The following PLPP4 variants were observed in gnomAD, a reference collection of about 807,000 sequenced individuals.
PLPP4 encodes the protein diacylglycerol pyrophosphate like 2.
A neutral mutation model predicts 32.2 loss-of-function variants in PLPP4; 20 were observed. The ratio of observed to expected loss-of-function variants is 0.62; its 90% CI spans 0.44 to 0.90. The LOEUF is 0.90. PLPP4 is among the 40% of genes least tolerant of loss of function. The pLI, the probability that PLPP4 is intolerant of heterozygous loss-of-function variation, is 0.00. For missense variants in PLPP4, 257 were observed against 353.1 expected (o/e 0.73, Z 2.18); for synonymous variants, 127 against 133.0 (o/e 0.95, Z 0.31).
intron 2 of PLPP4, among the ~76,000 whole-genome samples, chr10:120,510,206 C>G (rs554501770): frequency 1.3e-5 from 2 of 152,034 alleles, no homozygotes; most frequent in African/African-American, 4.8e-5. Flanking sequence ...TTCAGCAGCC[C>G]CATACTCATA....
chr10:120,583,317 G>A (rs1003479288), intron 6 of PLPP4, among the ~76,000 whole-genome samples: 1 of 151,926 alleles, frequency 6.6e-6, no homozygotes, highest in Non-Finnish European at 1.5e-5. Flanking sequence ...TGGCAAGAGG[G>A]CAGGGTTTTG....
At chr10:120,554,855 C>G (rs1848079490) in intron 5 of PLPP4, among the ~76,000 whole-genome samples, 1 of 152,126 alleles carries the variant, frequency 6.6e-6, no homozygotes, top group Non-Finnish European at 1.5e-5. Flanking sequence ...ACCAAATCAC[C>G]TCCCACCAGG....
At chr10:120,458,691 A>G (rs1287658827) in intron 1 of PLPP4, among the ~76,000 whole-genome samples, 2 of 152,160 alleles carry the variant, frequency 1.3e-5, no homozygotes, top group African/African-American at 2.4e-5. Context: ...AGAAGGAACG[A>G]GAACTTCAGT....
intron 5 of PLPP4, among the ~76,000 whole-genome samples, chr10:120,571,263 A>G (rs991695593): frequency 2.6e-5 from 4 of 152,066 alleles, no homozygotes; most frequent in Non-Finnish European, 5.9e-5. Flanking sequence ...TGTTAGCAGG[A>G]TATGAGCACA....
chr10:120,545,158 C>A (rs1001636694), intron 5 of PLPP4, among the ~76,000 whole-genome samples: 2 of 152,232 alleles, frequency 1.3e-5, no homozygotes, highest in Non-Finnish European at 2.9e-5. Context: ...AACTGGAGAG[C>A]CAGCCACTTA....
At chr10:120,571,116 G>A (rs957683794) in intron 5 of PLPP4, among the ~76,000 whole-genome samples, 1 of 68,958 alleles carries the variant, frequency 1.5e-5, no homozygotes, top group Non-Finnish European at 3.7e-5. Flanking sequence ...GTGTGTGTGT[G>A]TGTGTGTGTG....
intron 6 of PLPP4, among the ~76,000 whole-genome samples, chr10:120,576,402 G>A (rs146645217): frequency 6.6e-6 from 1 of 152,320 alleles, no homozygotes; most frequent in Admixed American, 6.5e-5. Flanking sequence ...TTTTCCGGGG[G>A]TTTGTTGCAG....
intron 1 of PLPP4, among the ~76,000 whole-genome samples, chr10:120,478,822 C>A (rs1199689745): frequency 2.0e-5 from 3 of 152,206 alleles, no homozygotes; most frequent in East Asian, 3.8e-4. Context: ...TGGTGTTGGA[C>A]ACCCAGTTTT....
chr10:120,544,946 G>A (rs1847542489), intron 5 of PLPP4, among the ~76,000 whole-genome samples: 1 of 152,254 alleles, frequency 6.6e-6, no homozygotes, highest in Non-Finnish European at 1.5e-5. Flanking sequence ...AAGAAGAGAA[G>A]GGTCATTGTC....
intron 5 of PLPP4, among the ~76,000 whole-genome samples, chr10:120,546,017 T>C (rs1374879340): frequency 2.0e-5 from 3 of 152,196 alleles, no homozygotes; most frequent in African/African-American, 7.2e-5. Context: ...CTCCAAATTC[T>C]TCAGCTTTTG....
In PLPP4 at chr10:120,472,731, G is replaced by A. The variant is rs12414816; in HGVS notation, c.56+15370G>A. Among the ~76,000 whole-genome samples, 71 of 151,950 alleles carry A rather than the reference G, an allele frequency of 4.7e-4. No homozygotes were observed. The East Asian group carries it at 9.5e-3, about 20-fold the overall frequency. On this transcript the variant is annotated intron_variant, in intron 1 of 6. Transcript: ENST00000398250. ...TTCAGGTACATATACATATATATTA[G>A]ACAGTTTGATAATGTCCTACAGATC...
chr10:120,557,733 A>G (rs557538026), intron 5 of PLPP4, among the ~76,000 whole-genome samples: 5 of 152,280 alleles, frequency 3.3e-5, no homozygotes, highest in African/African-American at 1.2e-4. Context: ...ATGCCCTGTG[A>G]TTATGGAATT....
chr10:120,490,471 C>G (rs1284557474), intron 1 of PLPP4, among the ~76,000 whole-genome samples: 1 of 152,274 alleles, frequency 6.6e-6, no homozygotes, highest in Admixed American at 6.5e-5. Flanking sequence ...AGCTCAGCCA[C>G]TGAGCAGATA....
intron 5 of PLPP4, among the ~76,000 whole-genome samples, chr10:120,573,110 T>C (rs1170017500): frequency 6.6e-6 from 1 of 152,218 alleles, no homozygotes; most frequent in East Asian, 1.9e-4. Context: ...ACATGTTTTC[T>C]GACTCTAGCC....
intron 6 of PLPP4, among the ~76,000 whole-genome samples, chr10:120,583,933 A>C (rs892411052): frequency 2.6e-5 from 4 of 152,228 alleles, no homozygotes; most frequent in African/African-American, 9.6e-5. Flanking sequence ...GGCCAGAGAG[A>C]GAGCAGGTCC....
chr10:120,475,715 G>A (rs1038745756), intron 1 of PLPP4, among the ~76,000 whole-genome samples: 6 of 152,138 alleles, frequency 3.9e-5, no homozygotes, highest in African/African-American at 9.7e-5. Flanking sequence ...TCTAAGTATC[G>A]GGAAAAGGGA....
chr10:120,579,450 T>G (rs1376411158), intron 6 of PLPP4, among the ~76,000 whole-genome samples: 1 of 152,186 alleles, frequency 6.6e-6, no homozygotes, highest in African/African-American at 2.4e-5. Context: ...TTTCCCAGAC[T>G]GGGCTGTGAA....
At chr10:120,524,563 A>C (rs1230624331) in intron 5 of PLPP4, among the ~76,000 whole-genome samples, 1 of 152,202 alleles carries the variant, frequency 6.6e-6, no homozygotes, top group Non-Finnish European at 1.5e-5. Flanking sequence ...ACTTAAGAAC[A>C]AACATTGATT....
At chr10:120,486,097 C>T (rs1264287325) in intron 1 of PLPP4, among the ~76,000 whole-genome samples, 1 of 152,180 alleles carries the variant, frequency 6.6e-6, no homozygotes, top group Non-Finnish European at 1.5e-5. Context: ...AGATGCCAAC[C>T]TCACAGTCAT....
Sources: allele counts gnomAD v4.1 joint callset (sites outside exome capture counted in the v4.1 genomes callset), GRCh38; gene constraint gnomAD v4.1.1; transcripts MANE v1.5; gene names NCBI Gene and HGNC (gene_info 2026-07-23, HGNC 2026-07-21).